AXIN1: variants seen among roughly 807,000 people sequenced by gnomAD.
AXIN1 encodes the protein axin-1.
AXIN1 carries 30 observed loss-of-function variants against 76.4 expected under a neutral mutation model. That is an observed-to-expected ratio of 0.39 (90% CI 0.29 to 0.53). The LOEUF is 0.53. AXIN1 is among the 20% of genes least tolerant of loss of function. The probability of loss-of-function intolerance (pLI) is 0.66; values close to 1 mark genes in which losing one functional copy is unlikely to be tolerated. For synonymous variants in AXIN1, 545 were observed against 501.4 expected, an observed-to-expected ratio of 1.09 and a Z score of -1.16; for missense variants, 1,140 against 1,198.8, an observed-to-expected ratio of 0.95 and a Z score of 0.72.
intron 2 of AXIN1, among the ~76,000 whole-genome samples, chr16:332,034 T>C (rs2053700820): frequency 6.6e-6 from 1 of 152,256 alleles, no homozygotes; most frequent in Admixed American, 6.5e-5. Context: ...ATGGATGGCA[T>C]GACACTCCCA....
chr16:304,195 C>T, intron 5 of AXIN1, 109 bp downstream of exon 5: 1 of 1,569,268 alleles, frequency 6.4e-7, no homozygotes, highest in Admixed American at 1.7e-5. Flanking sequence ...CATGGGTCAG[C>T]AGGCCTCGGC....
At chr16:338,466 G>A (rs1170477093) in intron 2 of AXIN1, among the ~76,000 whole-genome samples, 8 of 152,352 alleles carry the variant, frequency 5.3e-5, no homozygotes, top group Admixed American at 6.5e-5. Context: ...ACTGAGGTCC[G>A]CCCAGGCAAA....
Position 287,474 on chromosome 16 carries a change from C to CAAGT in AXIN1, c.*644_*647dup, listed in dbSNP as rs1386629023. ...AAAACAGTTTTATTTCATTATTATC[C>CAAGT]AAGTACCTTTGAAAAGATAATTAAT... On this transcript the variant is annotated 3_prime_UTR_variant, in exon 11 of 11. Coordinates refer to ENST00000262320, the MANE Select transcript of AXIN1 (RefSeq NM_003502.4). 1.5e-5 allele frequency: 6 copies of CAAGT among 395,276 alleles called. No individual in the cohort carries two copies. Among genetic ancestry groups the CAAGT allele is most frequent in the Non-Finnish European group, 4.5e-6 (1 of 221,440 alleles). 24.5% of individuals were successfully genotyped at this position (395,276 alleles called of 1,614,324 possible). A position where few individuals can be genotyped will look rare whatever the true frequency, so the allele number is the denominator to read the frequency against.
intron 2 of AXIN1, among the ~76,000 whole-genome samples, chr16:342,100 TAG>T (rs2053936895): frequency 1.1e-4 from 17 of 149,230 alleles, no homozygotes; most frequent in African/African-American, 2.8e-4. Context: ...TCCCCTTCCA[TAG>T]TGTGGAAGCT....
At chr16:326,372 A>AAAATAT (rs1380874299) in intron 2 of AXIN1, among the ~76,000 whole-genome samples, 41 of 86,464 alleles carry the variant, frequency 4.7e-4, no homozygotes, top group African/African-American at 1.2e-3. Flanking sequence ...AAAAAAAAAA[A>AAAATAT]ATATATATAT....
At chr16:325,608 C>A (rs745994574) in intron 2 of AXIN1, among the ~76,000 whole-genome samples, 12 of 152,256 alleles carry the variant, frequency 7.9e-5, no homozygotes, top group Non-Finnish European at 1.3e-4. Context: ...CAACCCACTG[C>A]CCGCAGGGGC....
chr16:328,533 TA>T (rs1036592793), intron 2 of AXIN1, among the ~76,000 whole-genome samples: 323 of 118,592 alleles, frequency 2.7e-3, no homozygotes, highest in African/African-American at 3.2e-3. Flanking sequence ...CCATCTCTAC[TA>T]AAAAAAAAAA....
At chr16:320,339 C>T (rs1450630507) in intron 2 of AXIN1, among the ~76,000 whole-genome samples, 1 of 152,136 alleles carries the variant, frequency 6.6e-6, no homozygotes, top group Admixed American at 6.5e-5. Context: ...AGCCATCATG[C>T]CTGGCCACAA....
rs146189916 is a variant in AXIN1, at chr16:297,908, C to T, written c.1598G>A (p.Arg533Gln). 2.3e-5 allele frequency: 37 copies of T among 1,595,322 alleles called. No homozygotes were observed. Among genetic ancestry groups the T allele is most frequent in the African/African-American group, 5.4e-5 (4 of 74,684 alleles). Residue 533 changes from arginine (R) to glutamine (Q), a missense_variant, in exon 6 of 11, where the codon CGA (arginine) becomes CAA (glutamine). Physicochemically the swap from Arg to Gln is conservative, Grantham distance 43 (BLOSUM62 1). Around this residue, in one of 3 missense-constraint regions of AXIN1, gnomAD observed 708 missense variants for 776.9 expected, o/e 0.91. Coordinates refer to ENST00000262320, the MANE Select transcript of AXIN1 (RefSeq NM_003502.4). Reference sequence around the variant, plus strand: ...GTGGTGGACGTGGTGGTGGACGTGTCGGTGGTGGTGCAGGCCGGCCGCGTC... The same window carrying T: ...GTGGTGGACGTGGTGGTGGACGTGTTGGTGGTGGTGCAGGCCGGCCGCGTC... ...KLDAAGLHHH[R>Q]HVHHHVHHST...
intron 2 of AXIN1, among the ~76,000 whole-genome samples, chr16:325,131 C>A (rs1221086452): frequency 6.6e-6 from 1 of 151,138 alleles, no homozygotes; most frequent in African/African-American, 2.5e-5. Context: ...CCCCAGGAAA[C>A]CATCGCCTCA....
intron 2 of AXIN1, among the ~76,000 whole-genome samples, chr16:317,341 G>T (rs1597053635): frequency 1.3e-5 from 2 of 152,170 alleles, no homozygotes; most frequent in South Asian, 4.1e-4. Context: ...GGTATCGCAT[G>T]GGGCCAGAAC....
At chr16:340,023 CTTTCTT>C (rs1337592190) in intron 2 of AXIN1, among the ~76,000 whole-genome samples, 8 of 151,940 alleles carry the variant, frequency 5.3e-5, no homozygotes, top group African/African-American at 1.5e-4. Flanking sequence ...ATTTTGGGCC[CTTTCTT>C]TTTCTTCTTC....
intron 2 of AXIN1, among the ~76,000 whole-genome samples, chr16:332,822 A>C (rs2053722331): frequency 6.6e-6 from 1 of 152,154 alleles, no homozygotes; most frequent in South Asian, 2.1e-4. Flanking sequence ...CCAAAATCTA[A>C]ATAAGATCTC....
In AXIN1 at chr16:308,047, T is replaced by A. The variant is rs565205863; in HGVS notation, c.1116+1926A>T. 1.4e-4 allele frequency among the ~76,000 whole-genome samples: 21 copies of A among 152,316 alleles called. 1 individual carries two copies. The South Asian group carries it at 4.4e-3, about 32-fold the overall frequency. On this transcript the variant is annotated intron_variant, in intron 4 of 10. Coordinates refer to ENST00000262320, the MANE Select transcript of AXIN1 (RefSeq NM_003502.4). ...TCCTACAGAGCCTCCGATGAGGTTG[T>A]TTGCTGCAGACTGTTCACACAGAAA...
At chr16:352,154 G>C (rs2054158919) in intron 1 of AXIN1, among the ~76,000 whole-genome samples, 1 of 151,872 alleles carries the variant, frequency 6.6e-6, no homozygotes, top group Admixed American at 6.6e-5. Flanking sequence ...GGCCCCTGCA[G>C]CTGCTCCGTG....
At chr16:316,916 C>A (rs2053315631) in intron 2 of AXIN1, among the ~76,000 whole-genome samples, 1 of 152,194 alleles carries the variant, frequency 6.6e-6, no homozygotes, top group African/African-American at 2.4e-5. Flanking sequence ...GGGGTGATGA[C>A]TACCTCAGTT....
intron 5 of AXIN1, among the ~76,000 whole-genome samples, chr16:303,786 C>A (rs769144064): frequency 1.2e-4 from 19 of 152,206 alleles, no homozygotes; most frequent in Non-Finnish European, 2.1e-4. Flanking sequence ...CTGTTTTTAG[C>A]TGAACTAAGC....
chr16:343,656 T>G (rs1273892878), intron 2 of AXIN1, among the ~76,000 whole-genome samples: 1 of 149,700 alleles, frequency 6.7e-6, no homozygotes, highest in Non-Finnish European at 1.5e-5. Flanking sequence ...TGAGCTGAGA[T>G]TGCACTACTG....
chr16:313,554 C>T (rs2053231519), intron 3 of AXIN1, among the ~76,000 whole-genome samples: 1 of 152,226 alleles, frequency 6.6e-6, no homozygotes, highest in African/African-American at 2.4e-5. Context: ...CGCTGGCTTC[C>T]TCCAATGCTG....
Sources: gnomAD v4.1 joint callset for allele counts (sites outside exome capture counted in the v4.1 genomes callset) on GRCh38, gnomAD v4.1.1 for gene constraint, gnomAD v4.1.1 regional missense constraint, MANE v1.5 for transcripts, NCBI Gene and HGNC (gene_info 2026-07-23, HGNC 2026-07-21) for gene names.